Variants in NFYC observed in about 807,000 individuals in gnomAD.
The protein encoded by NFYC is nuclear transcription factor Y subunit gamma.
A neutral mutation model predicts 53.1 loss-of-function variants in NFYC; 25 were observed. That is an observed-to-expected ratio of 0.47 (90% confidence interval 0.34 to 0.66). NFYC has a LOEUF of 0.66. Ranked by LOEUF, NFYC falls within the 30% of genes least tolerant of loss-of-function variation. NFYC has a pLI of 0.01. For missense variants in NFYC, 260 were observed against 422.7 expected (o/e 0.62, Z 3.38); for synonymous variants, 145 against 152.6 (o/e 0.95, Z 0.37).
At chr1:40,761,350 GCTGTGTCACAC>G (rs1394594269) in intron 6 of NFYC, among the ~76,000 whole-genome samples, 3 of 152,152 alleles carry the variant, frequency 2.0e-5, no homozygotes, top group African/African-American at 7.2e-5. Flanking sequence ...GTGGCCTTGT[GCTGTGTCACAC>G]CTCCCTGGAC....
chr1:40,707,162 T>G (rs1257231586), intron 1 of NFYC, among the ~76,000 whole-genome samples: 2 of 150,210 alleles, frequency 1.3e-5, no homozygotes, highest in Non-Finnish European at 3.0e-5. Context: ...AGAGGGAGAC[T>G]CTGCCTCAAA....
At chr1:40,737,592 GTGTT>G (rs1296363084) in intron 1 of NFYC, among the ~76,000 whole-genome samples, 1 of 152,080 alleles carries the variant, frequency 6.6e-6, no homozygotes, top group Non-Finnish European at 1.5e-5. Context: ...GCTTCCCAGA[GTGTT>G]TGGATTACAG....
chr1:40,715,288 G>C (rs1047219621), intron 1 of NFYC, among the ~76,000 whole-genome samples: 3 of 151,306 alleles, frequency 2.0e-5, no homozygotes, highest in African/African-American at 7.3e-5. Context: ...TATACAGGAG[G>C]CTGAGGCACA....
chr1:40,696,064 C>T (rs1403258456), intron 1 of NFYC, among the ~76,000 whole-genome samples: 5 of 138,598 alleles, frequency 3.6e-5, no homozygotes, highest in Non-Finnish European at 6.1e-5. Context: ...GCACTGTTTC[C>T]CCAGACTGGA....
chr1:40,751,869 A>ATATT (rs929909212), intron 4 of NFYC, among the ~76,000 whole-genome samples: 1 of 152,196 alleles, frequency 6.6e-6, no homozygotes, highest in African/African-American at 2.4e-5. Context: ...GTCATCTTAA[A>ATATT]TGAGTTCTGG....
intron 7 of NFYC, among the ~76,000 whole-genome samples, chr1:40,765,916 C>T (rs1339603145): frequency 2.0e-5 from 3 of 152,306 alleles, no homozygotes; most frequent in East Asian, 3.9e-4. Context: ...ATGAGAGACT[C>T]TAAGGGCGCT....
At chr1:40,696,136 G>A (rs1054934147) in intron 1 of NFYC, among the ~76,000 whole-genome samples, 1 of 149,838 alleles carries the variant, frequency 6.7e-6, no homozygotes, top group Non-Finnish European at 1.5e-5. Context: ...CGATTCTCTT[G>A]CCTCAGCCTC....
intron 1 of NFYC, among the ~76,000 whole-genome samples, chr1:40,709,126 T>TA (rs1643858163): frequency 6.6e-6 from 1 of 152,336 alleles, no homozygotes; most frequent in South Asian, 2.1e-4. Flanking sequence ...TTCCACGCCT[T>TA]AGAGTTCCCC....
chr1:40,722,659 C>T (rs2148496799), intron 1 of NFYC, among the ~76,000 whole-genome samples: 1 of 152,268 alleles, frequency 6.6e-6, no homozygotes, highest in East Asian at 1.9e-4. Flanking sequence ...ATGTGTTTTA[C>T]CATTTGTGTG....
chr1:40,771,300 G>C lies in NFYC; in HGVS notation c.*472G>C. 1 of 367,836 alleles carries C rather than the reference G, an allele frequency of 2.7e-6. No homozygotes were observed. Among genetic ancestry groups the C allele is most frequent in the East Asian group, 8.3e-5 (1 of 12,008 alleles). 22.8% of individuals were successfully genotyped at this position (367,836 alleles called of 1,614,324 possible). A position where few individuals can be genotyped will look rare whatever the true frequency, so the allele number is the denominator to read the frequency against. ...GTTCTGCCCTCAGATGGAATTAGGT[G>C]AATGTGTGTAGCTGCTTTTTCACTC... On this transcript the variant is annotated 3_prime_UTR_variant, in exon 10 of 10. Transcript: ENST00000447388.
At chr1:40,764,109 CCTTGT>C (rs1389055525) in intron 7 of NFYC, among the ~76,000 whole-genome samples, 1 of 152,114 alleles carries the variant, frequency 6.6e-6, no homozygotes, top group Non-Finnish European at 1.5e-5. Flanking sequence ...TAAAATGTGT[CCTTGT>C]CTTAACACTT....
chr1:40,762,802 A>G (rs1413762318), intron 6 of NFYC, 86 bp from the exon 7 acceptor site: 3 of 1,323,730 alleles, frequency 2.3e-6, no homozygotes, highest in African/African-American at 3.0e-5. Flanking sequence ...GTTTGCTCCC[A>G]GCACATTGCT....
At chr1:40,764,315 A>G (rs746944510) in intron 7 of NFYC, among the ~76,000 whole-genome samples, 26 of 152,230 alleles carry the variant, frequency 1.7e-4, no homozygotes, top group Non-Finnish European at 3.2e-4. Flanking sequence ...TCAGTTTAGG[A>G]ATTGTTCTTC....
intron 6 of NFYC, 36 bp downstream of exon 6, chr1:40,758,330 C>A: frequency 6.4e-7 from 1 of 1,573,350 alleles, no homozygotes; most frequent in Non-Finnish European, 8.6e-7. Flanking sequence ...TCCAGCAAGA[C>A]AGTGCCCCTT....
intron 1 of NFYC, among the ~76,000 whole-genome samples, chr1:40,693,385 A>T (rs1642948099): frequency 1.3e-5 from 2 of 152,156 alleles, no homozygotes; most frequent in African/African-American, 4.8e-5. Context: ...TTTATGTTAA[A>T]CATCTGTGTT....
At chr1:40,734,183 C>T (rs1313721527) in intron 1 of NFYC, among the ~76,000 whole-genome samples, 3 of 152,160 alleles carry the variant, frequency 2.0e-5, no homozygotes, top group African/African-American at 7.2e-5. Context: ...ACCCAGCCTC[C>T]TCTTACTTTT....
intron 1 of NFYC, among the ~76,000 whole-genome samples, chr1:40,724,978 A>G (rs1192788088): frequency 6.6e-6 from 1 of 152,168 alleles, no homozygotes; most frequent in Non-Finnish European, 1.5e-5. Flanking sequence ...TATACCTTCA[A>G]ACGTCAAACT....
chr1:40,728,426 G>A (rs1570468990), intron 1 of NFYC, among the ~76,000 whole-genome samples: 1 of 151,734 alleles, frequency 6.6e-6, no homozygotes, highest in African/African-American at 2.4e-5. Flanking sequence ...GCGAAACCCT[G>A]TCTTTACTAA....
chr1:40,725,056 T>C (rs1178178693), intron 1 of NFYC, among the ~76,000 whole-genome samples: 1 of 152,190 alleles, frequency 6.6e-6, no homozygotes, highest in Non-Finnish European at 1.5e-5. Context: ...GTGAAGACTA[T>C]TCAGTAGCCT....
Sources: allele counts gnomAD v4.1 joint callset (sites outside exome capture counted in the v4.1 genomes callset), GRCh38; gene constraint gnomAD v4.1.1; transcripts MANE v1.5; gene names NCBI Gene and HGNC (gene_info 2026-07-23, HGNC 2026-07-21).